PHF21B: variants seen among roughly 807,000 people sequenced by gnomAD.
PHF21B encodes PHD finger protein 4.
In PHF21B, 22 loss-of-function variants were observed where a neutral mutation model predicts 62.2. The ratio of observed to expected loss-of-function variants is 0.35; its 90% CI spans 0.25 to 0.51. The LOEUF (loss-of-function observed/expected upper bound fraction) is 0.51. Ranked by LOEUF, PHF21B falls within the 20% of genes least tolerant of loss-of-function variation. The pLI is 0.97. For synonymous variants in PHF21B, 341 were observed against 314.7 expected, an observed-to-expected ratio of 1.08 and a Z score of -0.88; for missense variants, 701 against 707.9, an observed-to-expected ratio of 0.99 and a Z score of 0.11.
At chr22:44,920,830 T>A (rs2071522337) in intron 2 of PHF21B, among the ~76,000 whole-genome samples, 1 of 152,202 alleles carries the variant, frequency 6.6e-6, no homozygotes, top group African/African-American at 2.4e-5. Context: ...GTCGCTACGA[T>A]CTTCATAAAT....
At chr22:44,961,557 C>T (rs368835019) in intron 2 of PHF21B, among the ~76,000 whole-genome samples, 1 of 152,230 alleles carries the variant, frequency 6.6e-6, no homozygotes, top group East Asian at 1.9e-4. Context: ...TAATGGCCTA[C>T]AGGCTGGGCG....
At chr22:44,975,133 T>A (rs1209806264) in intron 2 of PHF21B, among the ~76,000 whole-genome samples, 1 of 152,146 alleles carries the variant, frequency 6.6e-6, no homozygotes, top group Non-Finnish European at 1.5e-5. Context: ...GAGCAGAGAA[T>A]CTTCCTGAAG....
intron 2 of PHF21B, among the ~76,000 whole-genome samples, chr22:44,943,497 C>T (rs542876541): frequency 6.6e-6 from 1 of 152,266 alleles, no homozygotes; most frequent in African/African-American, 2.4e-5. Flanking sequence ...GGGGGCGGCC[C>T]GATCTCCAGC....
chr22:45,001,740 A>C (rs1285102343), intron 2 of PHF21B: 1 of 152,194 alleles, frequency 6.6e-6, no homozygotes, highest in African/African-American at 2.4e-5. Flanking sequence ...TTCCCAAGAG[A>C]CCTCCACAAT....
rs138187285 is a variant in PHF21B at position 44,946,552 on chromosome 22, G to A, written c.121-26062C>T. Among the ~76,000 whole-genome samples the A allele has an allele frequency of 9.2e-3, 1,403 of 152,216 alleles. 18 individuals carry two copies. The highest frequency in any genetic ancestry group is 0.011 in the Non-Finnish European group (776 of 68,010). ...TGGTGGGTGGACGGATGGAAGGGTA[G>A]ATGGACAGTGGGTGGACATACGGAA... On this transcript the variant is annotated intron_variant, in intron 2 of 12. Transcript: ENST00000313237.
At chr22:44,968,791 T>C (rs529526192) in intron 2 of PHF21B, among the ~76,000 whole-genome samples, 1 of 152,332 alleles carries the variant, frequency 6.6e-6, no homozygotes, top group African/African-American at 2.4e-5. Context: ...AGTGCTTCCT[T>C]TGAGTGTCCC....
intron 2 of PHF21B, among the ~76,000 whole-genome samples, chr22:44,934,918 C>A (rs1343145896): frequency 6.6e-6 from 1 of 152,176 alleles, no homozygotes. Context: ...AGTGTCCCAG[C>A]CCTCGCTGAG....
intron 2 of PHF21B, among the ~76,000 whole-genome samples, chr22:44,934,930 C>T (rs2071814766): frequency 6.6e-6 from 1 of 152,132 alleles, no homozygotes; most frequent in African/African-American, 2.4e-5. Flanking sequence ...CTCGCTGAGA[C>T]CTTCCAGGAG....
intron 2 of PHF21B, among the ~76,000 whole-genome samples, chr22:44,956,030 A>C (rs1023677096): frequency 2.0e-5 from 3 of 152,156 alleles, no homozygotes; most frequent in Non-Finnish European, 2.9e-5. Context: ...GCGATGAACA[A>C]CACAACTGTC....
Position 44,882,918 on chromosome 22 carries a change from G to C in PHF21B, c.*168C>G. 1.2e-6 allele frequency: 1 copy of C among 813,796 alleles called. No individual in the cohort carries two copies. Among genetic ancestry groups the C allele is most frequent in the South Asian group, 1.8e-5 (1 of 54,530 alleles). 50.4% of individuals were successfully genotyped at this position (813,796 alleles called of 1,614,324 possible). On this transcript the variant is annotated 3_prime_UTR_variant, in exon 13 of 13. Coordinates refer to ENST00000313237, the MANE Select transcript of PHF21B (RefSeq NM_138415.5). ...AGGGCACAGGGCCGCACCCCCACCT[G>C]GTCCTGGCTCTAGGCCTCTCGCCCA...
At chr22:44,915,141 T>A (rs919184322) in intron 4 of PHF21B, among the ~76,000 whole-genome samples, 2 of 152,228 alleles carry the variant, frequency 1.3e-5, no homozygotes, top group African/African-American at 4.8e-5. Context: ...CCTCTTTGTA[T>A]CACATTTTTA....
chr22:45,004,370 C>T (rs1347110627), intron 2 of PHF21B, among the ~76,000 whole-genome samples: 2 of 151,612 alleles, frequency 1.3e-5, no homozygotes, highest in Non-Finnish European at 2.9e-5. Context: ...CAGGAAACTC[C>T]AGCTGTGTGT....
chr22:44,970,553 C>T (rs1230357941), intron 2 of PHF21B, among the ~76,000 whole-genome samples: 3 of 152,174 alleles, frequency 2.0e-5, no homozygotes, highest in Non-Finnish European at 4.4e-5. Context: ...CCAGCATGAC[C>T]CTCCCCACAC....
rs1413827061 is a variant in PHF21B, at chr22:45,009,157, G to A, written c.54+339C>T. 1 of 500,052 alleles carries A rather than the reference G, an allele frequency of 2.0e-6. No homozygotes were observed. Among genetic ancestry groups the A allele is most frequent in the Non-Finnish European group, 3.0e-6 (1 of 336,844 alleles). The allele number at this position is 500,052 out of a possible 1,614,324, so 31.0% of individuals were successfully genotyped here. On this transcript the variant is annotated intron_variant, in intron 1 of 12. Coordinates refer to ENST00000313237, the MANE Select transcript of PHF21B (RefSeq NM_138415.5). This position sits in a 1 kb window ranked among gnomAD's most constrained non-coding sequence, Gnocchi z 5.9. ...GGGGGCCCGAGGGGAGGCCGGAAGG[G>A]GGCCTATTCGCACTCCCCTCCCCGG...
intron 2 of PHF21B, among the ~76,000 whole-genome samples, chr22:44,940,297 C>T (rs747100031): frequency 1.4e-4 from 21 of 152,208 alleles, no homozygotes; most frequent in Non-Finnish European, 2.4e-4. Flanking sequence ...CCCTTAAATT[C>T]ACCAGCAAGC....
At chr22:44,951,648 C>T (rs1477335092) in intron 2 of PHF21B, among the ~76,000 whole-genome samples, 1 of 152,228 alleles carries the variant, frequency 6.6e-6, no homozygotes, top group African/African-American at 2.4e-5. Context: ...TAGTATTCCC[C>T]TCTGTGAATG....
chr22:44,920,230 T>C (rs1284224659), intron 3 of PHF21B, among the ~76,000 whole-genome samples, 168 bp downstream of exon 3: 1 of 152,242 alleles, frequency 6.6e-6, no homozygotes, highest in Admixed American at 6.5e-5. Flanking sequence ...GGTCCAAATG[T>C]TTCCATTGAA....
chr22:44,931,262 T>C (rs1427463864), intron 2 of PHF21B, among the ~76,000 whole-genome samples: 4 of 152,168 alleles, frequency 2.6e-5, no homozygotes, highest in African/African-American at 9.6e-5. Flanking sequence ...ATGCTGCTCA[T>C]GTCTCGCTCC....
At chr22:44,930,262 G>A (rs1246616083) in intron 2 of PHF21B, among the ~76,000 whole-genome samples, 1 of 152,210 alleles carries the variant, frequency 6.6e-6, no homozygotes, top group African/African-American at 2.4e-5. Flanking sequence ...GGAGGGGAGA[G>A]GGAGAGGAGG....
Sources: allele counts gnomAD v4.1 joint callset (sites outside exome capture counted in the v4.1 genomes callset), GRCh38; gene constraint gnomAD v4.1.1; non-coding constraint Gnocchi (gnomAD v3.1); transcripts MANE v1.5; gene names NCBI Gene and HGNC (gene_info 2026-07-23, HGNC 2026-07-21).